Variants in SPAG16 observed in about 807,000 individuals in gnomAD.
The protein encoded by SPAG16 is sperm associated antigen 16, also known as sperm-associated antigen 16 protein.
In SPAG16, 86 loss-of-function variants were observed where a neutral mutation model predicts 80.4. That is an observed-to-expected ratio of 1.07 (90% CI 0.90 to 1.28). The LOEUF (loss-of-function observed/expected upper bound fraction) is 1.28, where lower values mean the gene tolerates loss of function less well. Ranked by LOEUF, SPAG16 falls within the 50% of genes most tolerant of loss-of-function variation. SPAG16 has a pLI of 0.00. For missense variants in SPAG16, 870 were observed against 765.3 expected (o/e 1.14, Z -1.61); for synonymous variants, 294 against 265.9 (o/e 1.11, Z -1.03).
At chr2:214,327,462 G>T (rs1696573516) in intron 15 of SPAG16, among the ~76,000 whole-genome samples, 1 of 152,202 alleles carries the variant, frequency 6.6e-6, no homozygotes, top group Non-Finnish European at 1.5e-5. Flanking sequence ...TCAAGGCTCA[G>T]ACTCTGGCAT....
chr2:213,402,154 T>C (rs2068344250), intron 9 of SPAG16, among the ~76,000 whole-genome samples: 2 of 152,032 alleles, frequency 1.3e-5, no homozygotes, highest in Admixed American at 1.3e-4. Context: ...TTCGTCATAA[T>C]AGGTATAATT....
At position 213,284,594 on chromosome 2, in the gene SPAG16, G is replaced by A. The variant is rs754068475; in HGVS notation, c.111G>A (p.Ala37=). 1 of 1,609,310 alleles carries A rather than the reference G, an allele frequency of 6.2e-7. No individual in the cohort carries two copies. The highest frequency in any genetic ancestry group is 8.5e-7 in the Non-Finnish European group (1 of 1,178,626). The change falls in exon 1 of 16, where the codon GCG becomes GCA. Residue 37 remains alanine, a synonymous_variant. Transcript: ENST00000331683. ...GDARDTADAV[A]AEGAYYLEQV... is the part of the protein sequence containing the mutation. ...CGAGGGACACGGCGGACGCGGTGGCGGCTGAGGGCGCCTACTACCTGGAAC... is the reference window on the plus strand; with the variant it reads ...CGAGGGACACGGCGGACGCGGTGGCAGCTGAGGGCGCCTACTACCTGGAAC...
At chr2:214,239,743 A>C (rs1689332138) in intron 15 of SPAG16, 1 of 152,232 alleles carries the variant, frequency 6.6e-6, no homozygotes, top group African/African-American at 2.4e-5. Context: ...GAGGACACTC[A>C]GGATGACAGC....
At chr2:213,775,882 A>G (rs1454240999) in intron 10 of SPAG16, among the ~76,000 whole-genome samples, 2 of 152,224 alleles carry the variant, frequency 1.3e-5, no homozygotes, top group Admixed American at 6.5e-5. Context: ...AAGAAACACA[A>G]TGTACAAACT....
intron 15 of SPAG16, chr2:214,239,367 T>C (rs1016979838): frequency 1.3e-5 from 2 of 152,208 alleles, no homozygotes; most frequent in South Asian, 4.1e-4. Flanking sequence ...TATAGTCATG[T>C]TGTTGTACCA....
At chr2:213,488,293 G>A (rs2074081118) in intron 9 of SPAG16, among the ~76,000 whole-genome samples, 2 of 152,096 alleles carry the variant, frequency 1.3e-5, no homozygotes, top group Non-Finnish European at 2.9e-5. Context: ...ATGGTAAATT[G>A]CACACAGTAC....
intron 15 of SPAG16, among the ~76,000 whole-genome samples, chr2:214,229,381 A>G (rs1688530498): frequency 6.6e-6 from 1 of 151,816 alleles, no homozygotes; most frequent in Non-Finnish European, 1.5e-5. Context: ...ATGGGCATGC[A>G]TCTTTATTAT....
chr2:213,738,227 G>A (rs1159020677), intron 10 of SPAG16, among the ~76,000 whole-genome samples: 1 of 152,042 alleles, frequency 6.6e-6, no homozygotes, highest in Non-Finnish European at 1.5e-5. Context: ...TTACATGGGG[G>A]ATACATTTCA....
intron 6 of SPAG16, among the ~76,000 whole-genome samples, chr2:213,350,123 T>C (rs1191131999): frequency 1.3e-5 from 2 of 152,220 alleles, no homozygotes; most frequent in Admixed American, 1.3e-4. Flanking sequence ...GACTATCCTT[T>C]AGTTTATTTT....
At chr2:213,613,440 G>T (rs1402289038) in intron 10 of SPAG16, among the ~76,000 whole-genome samples, 1 of 152,152 alleles carries the variant, frequency 6.6e-6, no homozygotes, top group African/African-American at 2.4e-5. Context: ...TGGTTTCCTT[G>T]ACTTGATTTT....
chr2:214,301,045 T>TAAA (rs1405662280), intron 15 of SPAG16, among the ~76,000 whole-genome samples: 1 of 147,128 alleles, frequency 6.8e-6, no homozygotes, highest in Non-Finnish European at 1.5e-5. Flanking sequence ...ATAATAATAA[T>TAAA]AATAATAATA....
chr2:213,873,071 C>T (rs577062612), intron 11 of SPAG16, among the ~76,000 whole-genome samples: 2 of 152,130 alleles, frequency 1.3e-5, no homozygotes, highest in East Asian at 1.9e-4. Context: ...ATACTGGCCT[C>T]ACAGAATAAG....
At chr2:214,059,222 GTATATATATA>G (rs34244219) in intron 13 of SPAG16, among the ~76,000 whole-genome samples, 1 of 121,482 alleles carries the variant, frequency 8.2e-6, no homozygotes, top group Non-Finnish European at 1.6e-5. Context: ...ATATGTATGT[GTATATATATA>G]TATATATATG....
At chr2:214,172,713 A>C (rs1177187853) in intron 15 of SPAG16, among the ~76,000 whole-genome samples, 2 of 151,998 alleles carry the variant, frequency 1.3e-5, no homozygotes, top group Non-Finnish European at 2.9e-5. Flanking sequence ...TTACAGTCCC[A>C]CCAACAGTGT....
chr2:213,798,010 A>T (rs1041653262), intron 10 of SPAG16, among the ~76,000 whole-genome samples: 6 of 152,166 alleles, frequency 3.9e-5, no homozygotes, highest in Admixed American at 3.9e-4. Flanking sequence ...ATTTCAATAG[A>T]TGTGAACGGG....
chr2:213,303,592 T>A (rs1026230009), intron 3 of SPAG16, among the ~76,000 whole-genome samples: 1 of 152,122 alleles, frequency 6.6e-6, no homozygotes, highest in Admixed American at 6.6e-5. Flanking sequence ...TTCAATTGTT[T>A]TACTTTCTAG....
At chr2:213,432,006 G>A (rs995185629) in intron 9 of SPAG16, among the ~76,000 whole-genome samples, 2 of 152,022 alleles carry the variant, frequency 1.3e-5, no homozygotes, top group Non-Finnish European at 1.5e-5. Context: ...TGATCTTTGA[G>A]TCAATGATAA....
At chr2:213,746,319 C>T (rs10183066) in intron 10 of SPAG16, among the ~76,000 whole-genome samples, 2 of 152,192 alleles carry the variant, frequency 1.3e-5, no homozygotes, top group Admixed American at 6.5e-5. Context: ...TTAATCCAGT[C>T]TTATGCCACT....
At chr2:213,499,746 A>C (rs555911862) in intron 10 of SPAG16, among the ~76,000 whole-genome samples, 21 of 152,190 alleles carry the variant, frequency 1.4e-4, no homozygotes, top group Non-Finnish European at 2.8e-4. Flanking sequence ...TCATATGCTC[A>C]TGACCAAATT....
Sources: allele counts gnomAD v4.1 joint callset (sites outside exome capture counted in the v4.1 genomes callset), GRCh38; gene constraint gnomAD v4.1.1; transcripts MANE v1.5; gene names NCBI Gene and HGNC (gene_info 2026-07-23, HGNC 2026-07-21).